Variants in OTOGL observed in about 807,000 individuals in gnomAD.
The protein encoded by OTOGL is otogelin like.
OTOGL carries 285 observed loss-of-function variants against 318.5 expected under a neutral mutation model. The ratio of observed to expected loss-of-function variants is 0.89; its 90% confidence interval spans 0.81 to 0.99. The LOEUF (loss-of-function observed/expected upper bound fraction) is 0.99. Among genes scored for constraint, OTOGL ranks in the 50% least tolerant of loss-of-function variants. OTOGL has a pLI of 0.00. For synonymous variants in OTOGL, 987 were observed against 936.5 expected, an observed-to-expected ratio of 1.05 and a Z score of -0.99; for missense variants, 2,899 against 2,845.6, an observed-to-expected ratio of 1.02 and a Z score of -0.43.
At chr12:80,214,204 T>C (rs1372162122) in intron 4 of OTOGL, among the ~76,000 whole-genome samples, 1 of 152,162 alleles carries the variant, frequency 6.6e-6, no homozygotes, top group Non-Finnish European at 1.5e-5. Flanking sequence ...CCCTAAGACA[T>C]AGACTTAGGT....
At chr12:80,143,163 T>C (rs1276888084) in intron 1 of OTOGL, among the ~76,000 whole-genome samples, 1 of 152,156 alleles carries the variant, frequency 6.6e-6, no homozygotes, top group East Asian at 1.9e-4. Context: ...AATGGAAATA[T>C]ACATTTTGCA....
intron 11 of OTOGL, 63 bp from the exon 12 acceptor site, chr12:80,251,630 T>A: frequency 1.5e-6 from 2 of 1,326,936 alleles, no homozygotes; most frequent in Non-Finnish European, 2.1e-6. Context: ...GATCAGGACC[T>A]CAATGGTATG....
At chr12:80,301,325 T>C (rs965233808) in intron 27 of OTOGL, among the ~76,000 whole-genome samples, 3 of 152,204 alleles carry the variant, frequency 2.0e-5, no homozygotes, top group Non-Finnish European at 2.9e-5. Flanking sequence ...TACAATAAAG[T>C]TCCATCTCTC....
intron 1 of OTOGL, among the ~76,000 whole-genome samples, chr12:80,123,224 CTT>C (rs1870596047): frequency 6.6e-6 from 1 of 152,052 alleles, no homozygotes; most frequent in African/African-American, 2.4e-5. Context: ...TGATATTCCC[CTT>C]CCTGTGTCCA....
intron 1 of OTOGL, among the ~76,000 whole-genome samples, chr12:80,115,983 G>A (rs575787662): frequency 3.2e-4 from 47 of 145,468 alleles, no homozygotes; most frequent in Middle Eastern, 3.6e-3. Flanking sequence ...TTAGCTTCCT[G>A]GGCTCTGTGG....
At chr12:80,239,278 G>A in intron 10 of OTOGL, 55 bp from the exon 11 acceptor site, 2 of 1,298,208 alleles carry the variant, frequency 1.5e-6, no homozygotes, top group Non-Finnish European at 2.2e-6. Context: ...AATAATAGAA[G>A]ACTATACACA....
At chr12:80,292,625 A>G (rs1885120556) in intron 26 of OTOGL, among the ~76,000 whole-genome samples, 1 of 152,240 alleles carries the variant, frequency 6.6e-6, no homozygotes, top group African/African-American at 2.4e-5. Flanking sequence ...AAGTAAAACA[A>G]TAATTGTCTG....
chr12:80,116,352 G>C (rs1870165153), intron 1 of OTOGL, among the ~76,000 whole-genome samples: 1 of 151,872 alleles, frequency 6.6e-6, no homozygotes, highest in Non-Finnish European at 1.5e-5. Flanking sequence ...GCCCCATCCT[G>C]CTTCTGCTTG....
rs1272847819 is a variant in OTOGL, at chr12:80,252,109, A to T, written c.1193A>T (p.Asp398Val). The T allele has an allele frequency of 6.4e-7, 1 of 1,558,596 alleles. No individual in the cohort carries two copies. The part of the protein sequence containing the change: ...DKCDDSFVHR[D>V]CISCCPPTCT... ...TGTGATGATAGCTTTGTCCATCGGG[A>T]CTGTATCAGTTGTTGTCCACCAACC... Residue 398 changes from aspartate to valine, a missense_variant, in exon 13 of 59, where the codon GAC becomes GTC. Asp to Val is a radical substitution (Grantham distance 152). Around this residue, in one of 3 missense-constraint regions of OTOGL, gnomAD observed 2,607 missense variants for 2,524.9 expected, o/e 1.03. Coordinates refer to ENST00000547103, the MANE Select transcript of OTOGL (RefSeq NM_001378609.3).
intron 24 of OTOGL, among the ~76,000 whole-genome samples, chr12:80,276,641 T>G (rs183214913): frequency 2.3e-3 from 353 of 151,586 alleles, no homozygotes; most frequent in African/African-American, 8.3e-3. Context: ...AGAAGAAAAA[T>G]TCAAAGCTCA....
intron 52 of OTOGL, among the ~76,000 whole-genome samples, chr12:80,363,741 C>T (rs960404585): frequency 1.3e-5 from 2 of 152,024 alleles, no homozygotes; most frequent in African/African-American, 4.8e-5. Flanking sequence ...CTGGAAAAAG[C>T]AAAATAGCAT....
At position 80,358,319 on chromosome 12, in the gene OTOGL, A is replaced by G; in HGVS notation, c.6091A>G (p.Thr2031Ala). 1 of 1,607,662 alleles carries G rather than the reference A, an allele frequency of 6.2e-7. No individual in the cohort carries two copies. The highest frequency in any genetic ancestry group is 8.5e-7 in the Non-Finnish European group (1 of 1,175,150). Residue 2031 changes from threonine (T) to alanine (A), a missense_variant, in exon 50 of 59, where the codon ACA becomes GCA. Thr to Ala is a moderately conservative substitution (Grantham distance 58, BLOSUM62 0). Coordinates refer to ENST00000547103, the MANE Select transcript of OTOGL (RefSeq NM_001378609.3). ...GEFLTVDLNS[T>A]HFCCPQYYCV... Reference sequence around the variant, plus strand: ...ATTTCTCACAGTAGATCTTAATAGCACACACTTCTGTTGTCCTCAGTATTA... The same window carrying G: ...ATTTCTCACAGTAGATCTTAATAGCGCACACTTCTGTTGTCCTCAGTATTA...
At chr12:80,252,012 T>G in intron 12 of OTOGL, 64 bp from the exon 13 acceptor site, 1 of 1,400,500 alleles carries the variant, frequency 7.1e-7, no homozygotes, top group South Asian at 1.7e-5. Context: ...AATAAAATTA[T>G]AATTTTAAAA....
chr12:80,202,453 A>C (rs562575678), intron 1 of OTOGL, among the ~76,000 whole-genome samples: 1 of 151,950 alleles, frequency 6.6e-6, no homozygotes, highest in South Asian at 2.1e-4. Flanking sequence ...TTGTATTTTT[A>C]GTAGAGACTG....
chr12:80,322,290 G>C (rs942190974), intron 34 of OTOGL, among the ~76,000 whole-genome samples: 7 of 152,122 alleles, frequency 4.6e-5, no homozygotes, highest in Non-Finnish European at 8.8e-5. Context: ...ACCTTTACAG[G>C]CCTCTATTTC....
intron 1 of OTOGL, among the ~76,000 whole-genome samples, chr12:80,142,373 T>A (rs1113724): frequency 0.019 from 2,823 of 152,196 alleles, 81 homozygotes; most frequent in African/African-American, 0.063. Context: ...ATGGCCAGAA[T>A]CTGGAGTCCT....
chr12:80,127,230 A>G (rs1180079118), intron 1 of OTOGL, among the ~76,000 whole-genome samples: 1 of 152,114 alleles, frequency 6.6e-6, no homozygotes, highest in East Asian at 1.9e-4. Context: ...CTTTTAGGGC[A>G]GGCCTGGTGG....
At chr12:80,324,297 G>A (rs1887541945) in intron 35 of OTOGL, among the ~76,000 whole-genome samples, 1 of 152,162 alleles carries the variant, frequency 6.6e-6, no homozygotes, top group Admixed American at 6.5e-5. Flanking sequence ...TAAATGTAGT[G>A]AAGGCACTGG....
intron 1 of OTOGL, among the ~76,000 whole-genome samples, chr12:80,148,260 ATCTC>A (rs1199519207): frequency 1.4e-5 from 2 of 139,584 alleles, no homozygotes; most frequent in East Asian, 4.3e-4. Flanking sequence ...TGGTGACAAA[ATCTC>A]TCAGCATTTG....
Sources: allele counts gnomAD v4.1 joint callset (sites outside exome capture counted in the v4.1 genomes callset), GRCh38; gene constraint gnomAD v4.1.1; regional missense constraint gnomAD v4.1.1; transcripts MANE v1.5; gene names NCBI Gene and HGNC (gene_info 2026-07-23, HGNC 2026-07-21).